DMD: variants seen among roughly 807,000 people sequenced by gnomAD.
The protein encoded by DMD is mutant dystrophin.
Under a neutral mutation model 330.1 loss-of-function variants are expected in DMD, and 63 were observed. The ratio of observed to expected loss-of-function variants is 0.19; its 90% CI spans 0.16 to 0.24. DMD has a LOEUF of 0.24. Among genes scored for constraint, DMD ranks in the 10% least tolerant of loss-of-function variants. The pLI is 1.00. For synonymous variants in DMD, 1,223 were observed against 959.8 expected, an observed-to-expected ratio of 1.27 and a Z score of -5.07; for missense variants, 3,344 against 2,684.1, an observed-to-expected ratio of 1.25 and a Z score of -5.43.
At chrX:31,343,606 TGTGTGTGTGTGTGAGA>T (rs1459068991) in intron 61 of DMD, among the ~76,000 whole-genome samples, 2 of 96,379 alleles carry the variant, frequency 2.1e-5, no homozygotes, top group African/African-American at 3.9e-5. Context: ...TGTGTGTGTG[TGTGTGTGTGTGTGAGA>T]GAGAGAGAGA....
At chrX:31,658,170 T>C in intron 53 of DMD, 26 bp from the exon 54 acceptor site, 2 of 1,206,249 alleles carry the variant, frequency 1.7e-6, no homozygotes, top group Non-Finnish European at 2.2e-6. Flanking sequence ...AGAAAGAGAA[T>C]GAATGTCAGT....
chrX:33,064,696 C>T (rs1053271611), intron 1 of DMD, among the ~76,000 whole-genome samples: 1 of 110,823 alleles, frequency 9.0e-6, no homozygotes, highest in African/African-American at 3.3e-5. Flanking sequence ...CAAGACCAGT[C>T]TGGCCAACAT....
intron 1 of DMD, among the ~76,000 whole-genome samples, chrX:33,088,637 A>ATC (rs781223078): frequency 3.5e-4 from 39 of 111,290 alleles, no homozygotes; most frequent in Middle Eastern, 4.8e-3. Flanking sequence ...GTGAGCCGAC[A>ATC]TCGCGCCACT....
intron 23 of DMD, among the ~76,000 whole-genome samples, chrX:32,465,840 G>T (rs1169080019): frequency 9.0e-6 from 1 of 110,685 alleles, no homozygotes; most frequent in African/African-American, 3.3e-5. Flanking sequence ...TGCCTCAGCT[G>T]CCCAGAGTGC....
At chrX:32,313,758 C>T (rs1402597549) in intron 41 of DMD, among the ~76,000 whole-genome samples, 1 of 111,302 alleles carries the variant, frequency 9.0e-6, no homozygotes, top group Admixed American at 9.6e-5. Context: ...AAACCAATAA[C>T]AGACAGAGAG....
intron 44 of DMD, among the ~76,000 whole-genome samples, chrX:32,198,271 A>G (rs747479156): frequency 8.9e-6 from 1 of 112,216 alleles, no homozygotes; most frequent in African/African-American, 3.2e-5. Flanking sequence ...GGATAAGATA[A>G]TAAGATAATT....
chrX:32,287,420 A>T, intron 43 of DMD, 109 bp downstream of exon 43: 2 of 743,844 alleles, frequency 2.7e-6, no homozygotes, highest in Non-Finnish European at 4.1e-6. Flanking sequence ...TGAGAGTGAT[A>T]CTTCTTTTTC....
intron 55 of DMD, among the ~76,000 whole-genome samples, chrX:31,515,695 C>A (rs1392285915): frequency 8.9e-6 from 1 of 111,932 alleles, no homozygotes; most frequent in East Asian, 2.8e-4. Context: ...CATGGGCATG[C>A]ATAATTGACC....
chrX:31,578,902 T>G (rs2076223035), intron 55 of DMD, among the ~76,000 whole-genome samples: 1 of 112,445 alleles, frequency 8.9e-6, no homozygotes, highest in African/African-American at 3.2e-5. Context: ...ACAAAATCAT[T>G]GCCTTCAATA....
At chrX:32,727,895 A>C (rs1341117362) in intron 7 of DMD, among the ~76,000 whole-genome samples, 1 of 111,632 alleles carries the variant, frequency 9.0e-6, no homozygotes, top group Middle Eastern at 4.2e-3. Context: ...TTTTGTTTTT[A>C]ATTTAACTTT....
chrX:32,410,841 A>T (rs1480497106), intron 30 of DMD, among the ~76,000 whole-genome samples: 2 of 112,493 alleles, frequency 1.8e-5, no homozygotes, highest in East Asian at 5.6e-4. Context: ...CCTAAAATTT[A>T]CTCATTTAAA....
chrX:33,089,353 C>A (rs774580834), intron 1 of DMD, among the ~76,000 whole-genome samples: 1 of 110,909 alleles, frequency 9.0e-6, no homozygotes, highest in Non-Finnish European at 1.9e-5. Flanking sequence ...CGTGAGCCAC[C>A]GTGCGGCCCT....
chrX:32,887,501 G>C (rs1240267222), intron 2 of DMD, among the ~76,000 whole-genome samples: 4 of 109,124 alleles, frequency 3.7e-5, no homozygotes, highest in African/African-American at 1.3e-4. Flanking sequence ...TGTAATCCCA[G>C]TACTTTGGGA....
At chrX:32,464,165 A>G (rs756246656) in intron 24 of DMD, among the ~76,000 whole-genome samples, 58 of 112,011 alleles carry the variant, frequency 5.2e-4, no homozygotes, top group Non-Finnish European at 4.5e-4. Context: ...ATTTATCATA[A>G]GAAATAACAA....
chrX:31,453,910 A>G (rs2065967312), intron 59 of DMD, among the ~76,000 whole-genome samples: 1 of 111,092 alleles, frequency 9.0e-6, no homozygotes, highest in Admixed American at 9.6e-5. Context: ...GCTTTTAATG[A>G]GCACAAATAA....
rs754382994 is a variant in DMD, at chrX:32,216,906, A to G, written c.6438+10T>C. 6.6e-6 allele frequency: 8 copies of G among 1,203,957 alleles called. No individual in the cohort carries two copies. The East Asian group carries it at 2.1e-4, about 31-fold the overall frequency. On this transcript the variant is annotated intron_variant, in intron 44 of 78. Coordinates refer to ENST00000357033, the MANE Select transcript of DMD (RefSeq NM_004006.3). ...AAATACAATTTCGAAAAAACAAATC[A>G]AAGACTTACCTTAAGATACCATTTG...
At chrX:32,107,240 T>C (rs192284831) in intron 44 of DMD, among the ~76,000 whole-genome samples, 10 of 110,221 alleles carry the variant, frequency 9.1e-5, no homozygotes, top group Non-Finnish European at 1.3e-4. Flanking sequence ...GCCTTGAAGA[T>C]CTCTAAGGCA....
At chrX:31,941,085 TC>T (rs2094992995) in intron 45 of DMD, among the ~76,000 whole-genome samples, 1 of 111,619 alleles carries the variant, frequency 9.0e-6, no homozygotes, top group East Asian at 2.8e-4. Flanking sequence ...CCCTAGGACT[TC>T]CCCCCAGATT....
At chrX:32,850,372 G>C (rs1047070781) in intron 2 of DMD, among the ~76,000 whole-genome samples, 1 of 111,942 alleles carries the variant, frequency 8.9e-6, no homozygotes, top group Non-Finnish European at 1.9e-5. Flanking sequence ...CCCTGTGAGA[G>C]CTTTTCATCT....
Sources: allele counts gnomAD v4.1 joint callset (sites outside exome capture counted in the v4.1 genomes callset), GRCh38; gene constraint gnomAD v4.1.1; transcripts MANE v1.5; gene names NCBI Gene and HGNC (gene_info 2026-07-23, HGNC 2026-07-21).